Variants in PCDH15 observed in about 807,000 individuals in gnomAD.
PCDH15 encodes the protein protocadherin-15.
A neutral mutation model predicts 178.5 loss-of-function variants in PCDH15; 129 were observed. The ratio of observed to expected loss-of-function variants is 0.72; its 90% CI spans 0.63 to 0.84. PCDH15 has a LOEUF of 0.84. Among genes scored for constraint, PCDH15 ranks in the 40% least tolerant of loss-of-function variants. PCDH15 has a pLI of 0.00. For synonymous variants in PCDH15, 800 were observed against 732.0 expected (o/e 1.09, Z -1.50); for missense variants, 2,230 against 2,099.9 (o/e 1.06, Z -1.21).
At chr10:54,130,999 C>T (rs2042391786) in intron 15 of PCDH15, among the ~76,000 whole-genome samples, 1 of 152,190 alleles carries the variant, frequency 6.6e-6, no homozygotes. Flanking sequence ...GAGACTGCCA[C>T]TACAGTTGGC....
chr10:55,027,954 A>C (rs1220378925), intron 2 of PCDH15, among the ~76,000 whole-genome samples: 1 of 151,900 alleles, frequency 6.6e-6, no homozygotes, highest in Non-Finnish European at 1.5e-5. Context: ...TTACTTTGAT[A>C]TTTCAGCATC....
chr10:53,880,988 ATGTGTG>A (rs1011394265), intron 26 of PCDH15, among the ~76,000 whole-genome samples: 1 of 152,082 alleles, frequency 6.6e-6, no homozygotes, highest in Non-Finnish European at 1.5e-5. Context: ...CTGTATGTGT[ATGTGTG>A]TGTGTTTAAA....
intron 2 of PCDH15, among the ~76,000 whole-genome samples, chr10:55,139,689 T>G (rs925053463): frequency 1.4e-4 from 21 of 152,070 alleles, no homozygotes; most frequent in Non-Finnish European, 1.3e-4. Flanking sequence ...TCCTGATTGC[T>G]ATACATTAAG....
intron 1 of PCDH15, among the ~76,000 whole-genome samples, chr10:55,210,668 C>T (rs1382943282): frequency 2.8e-5 from 3 of 108,546 alleles, no homozygotes; most frequent in Admixed American, 3.0e-4. Context: ...CTCGCTCTGT[C>T]GCCAGGCTGG....
At chr10:54,548,573 AAT>A (rs1440206469) in intron 2 of PCDH15, among the ~76,000 whole-genome samples, 3 of 146,602 alleles carry the variant, frequency 2.0e-5, no homozygotes, top group Non-Finnish European at 4.5e-5. Flanking sequence ...ATTATTATAT[AAT>A]ATATATTATT....
chr10:55,571,424 G>T (rs1201245609), intron 2 of PCDH15, among the ~76,000 whole-genome samples: 1 of 151,984 alleles, frequency 6.6e-6, no homozygotes, highest in Non-Finnish European at 1.5e-5. Flanking sequence ...ATGGCTTTAT[G>T]AGCACATTAG....
intron 2 of PCDH15, among the ~76,000 whole-genome samples, chr10:55,325,617 G>T (rs1844011096): frequency 6.6e-6 from 1 of 151,812 alleles, no homozygotes; most frequent in Non-Finnish European, 1.5e-5. Flanking sequence ...TAAACATCCT[G>T]GATGATACCT....
chr10:53,993,622 A>G (rs1264727412), intron 21 of PCDH15, among the ~76,000 whole-genome samples: 1 of 152,200 alleles, frequency 6.6e-6, no homozygotes, highest in African/African-American at 2.4e-5. Flanking sequence ...TCTTTATGGT[A>G]CCAACATAAA....
chr10:54,453,741 G>A (rs1248752670), intron 3 of PCDH15, among the ~76,000 whole-genome samples: 1 of 151,792 alleles, frequency 6.6e-6, no homozygotes, highest in Non-Finnish European at 1.5e-5. Flanking sequence ...AAAGAAGGAG[G>A]CAGAGATAGG....
chr10:55,137,885 G>C (rs949453318), intron 2 of PCDH15, among the ~76,000 whole-genome samples: 2 of 152,140 alleles, frequency 1.3e-5, no homozygotes, highest in African/African-American at 4.8e-5. Context: ...GTGATCCAAA[G>C]CTACTGGGGG....
chr10:54,880,497 T>C (rs1954242917), intron 3 of PCDH15, among the ~76,000 whole-genome samples: 1 of 152,008 alleles, frequency 6.6e-6, no homozygotes, highest in Admixed American at 6.6e-5. Context: ...AAAAGCAAAA[T>C]GCTTACTATT....
intron 1 of PCDH15, among the ~76,000 whole-genome samples, chr10:55,178,511 T>C (rs1350527331): frequency 6.6e-6 from 1 of 152,114 alleles, no homozygotes; most frequent in African/African-American, 2.4e-5. Context: ...ATTAAACCTA[T>C]CAATTAGCCC....
chr10:54,240,429 G>T (rs749278473), intron 8 of PCDH15, among the ~76,000 whole-genome samples: 11 of 151,754 alleles, frequency 7.2e-5, no homozygotes, highest in Non-Finnish European at 1.3e-4. Context: ...GCATATTACT[G>T]TCCTTGAATT....
At chr10:55,439,348 A>G (rs139250285) in intron 2 of PCDH15, among the ~76,000 whole-genome samples, 1 of 152,150 alleles carries the variant, frequency 6.6e-6, no homozygotes, top group African/African-American at 2.4e-5. Context: ...ACCTAATCTG[A>G]CCTTCAAGTA....
chr10:55,179,178 G>A (rs1839573667), intron 1 of PCDH15, among the ~76,000 whole-genome samples: 2 of 152,072 alleles, frequency 1.3e-5, no homozygotes, highest in African/African-American at 4.8e-5. Context: ...GGGACCCTTA[G>A]ATAGGCCTCT....
chr10:54,031,972 A>G (rs558420804), intron 18 of PCDH15, among the ~76,000 whole-genome samples: 1 of 152,140 alleles, frequency 6.6e-6, no homozygotes, highest in East Asian at 1.9e-4. Flanking sequence ...ATTGCTTAGT[A>G]TTTGATAATT....
At chr10:55,050,012 A>T (rs1329884421) in intron 2 of PCDH15, among the ~76,000 whole-genome samples, 1 of 152,054 alleles carries the variant, frequency 6.6e-6, no homozygotes, top group Non-Finnish European at 1.5e-5. Context: ...ATTTTCCAAC[A>T]TAGTTACAAA....
At chr10:54,755,035 G>T (rs1382114662) in intron 1 of PCDH15, among the ~76,000 whole-genome samples, 1 of 138,240 alleles carries the variant, frequency 7.2e-6, no homozygotes, top group Non-Finnish European at 1.5e-5. Flanking sequence ...TGCAACCTCT[G>T]TCTCTTAGGT....
At chr10:55,063,499 T>C (rs1420280961) in intron 2 of PCDH15, among the ~76,000 whole-genome samples, 1 of 152,144 alleles carries the variant, frequency 6.6e-6, no homozygotes, top group Non-Finnish European at 1.5e-5. Flanking sequence ...CTCATACTAG[T>C]TGTAAGGCAC....
Sources: gnomAD v4.1 joint callset for allele counts (sites outside exome capture counted in the v4.1 genomes callset) on GRCh38, gnomAD v4.1.1 for gene constraint, MANE v1.5 for transcripts, NCBI Gene and HGNC (gene_info 2026-07-23, HGNC 2026-07-21) for gene names.